Variants in NTN1 observed in about 807,000 individuals in gnomAD.
The protein encoded by NTN1 is netrin 1.
NTN1 carries 11 observed loss-of-function variants against 54.2 expected under a neutral mutation model. That is an observed-to-expected ratio of 0.20 (90% CI 0.13 to 0.34). The LOEUF is 0.34. NTN1 is among the 10% of genes least tolerant of loss of function. NTN1 has a pLI of 1.00. For synonymous variants in NTN1, 371 were observed against 382.0 expected (o/e 0.97, Z 0.33); for missense variants, 740 against 893.1 (o/e 0.83, Z 2.18).
the NTN1 span, among the ~76,000 whole-genome samples, chr17:9,015,066 CT>C: frequency 6.6e-6 from 1 of 152,200 alleles, no homozygotes; most frequent in Non-Finnish European, 1.5e-5. Flanking sequence ...TATCAAAGTG[CT>C]TAGTAGATGC....
chr17:9,193,099 AAAG>A (rs1416827711), intron 5 of NTN1, among the ~76,000 whole-genome samples: 2 of 102,390 alleles, frequency 2.0e-5, no homozygotes, highest in Admixed American at 9.2e-5. Context: ...AAAAAAAGAA[AAAG>A]AAAAAAAAGC....
intron 5 of NTN1, among the ~76,000 whole-genome samples, chr17:9,188,488 AAC>A (rs200310741): frequency 0.35 from 49,284 of 139,796 alleles, 9,838 homozygotes; most frequent in Middle Eastern, 0.45. Flanking sequence ...AAAAAATAAA[AAC>A]AAAAAAGTCA....
intron 2 of NTN1, among the ~76,000 whole-genome samples, chr17:9,028,566 A>C (rs944954336): frequency 6.6e-6 from 1 of 152,224 alleles, no homozygotes; most frequent in African/African-American, 2.4e-5. Flanking sequence ...TGAGATCCTC[A>C]GAAAACTATT....
chr17:9,225,733 G>A (rs770858266), intron 6 of NTN1, among the ~76,000 whole-genome samples: 27 of 148,686 alleles, frequency 1.8e-4, no homozygotes, highest in Admixed American at 1.3e-4. Flanking sequence ...AGGGCGGGCC[G>A]GGCAGGGGCT....
intron 6 of NTN1, among the ~76,000 whole-genome samples, chr17:9,237,087 CA>C (rs1180772330): frequency 6.6e-6 from 1 of 152,238 alleles, no homozygotes; most frequent in Admixed American, 6.5e-5. Context: ...CCAACATCCC[CA>C]AAATCTTCAA....
At chr17:9,228,512 G>A (rs1319146435) in intron 6 of NTN1, among the ~76,000 whole-genome samples, 1 of 152,182 alleles carries the variant, frequency 6.6e-6, no homozygotes, top group East Asian at 1.9e-4. Flanking sequence ...TGGCCTGGGT[G>A]CTGCCGCTGG....
At chr17:9,051,693 G>T (rs1567698837) in intron 2 of NTN1, among the ~76,000 whole-genome samples, 1 of 151,926 alleles carries the variant, frequency 6.6e-6, no homozygotes, top group Non-Finnish European at 1.5e-5. Flanking sequence ...TTTTGAGTGA[G>T]AACATTTAAG....
intron 2 of NTN1, among the ~76,000 whole-genome samples, chr17:9,100,628 T>A (rs1210215725): frequency 6.6e-6 from 1 of 152,214 alleles, no homozygotes; most frequent in African/African-American, 2.4e-5. Flanking sequence ...TCTTATCTGG[T>A]CAGTAAGAAC....
At chr17:9,137,067 C>G (rs115401653) in intron 2 of NTN1, among the ~76,000 whole-genome samples, 80 of 152,256 alleles carry the variant, frequency 5.3e-4, no homozygotes, top group African/African-American at 1.9e-3. Flanking sequence ...CATTTTCTCC[C>G]CTCCTCCACA....
rs1235679932 is a variant in NTN1 at position 9,112,482 on chromosome 17, T to C, written c.1019-50331T>C. Among the ~76,000 whole-genome samples, 6 of 152,280 alleles carry C rather than the reference T, an allele frequency of 3.9e-5. No individual in the cohort carries two copies. In the East Asian group the frequency reaches 7.7e-4, roughly 20 times the overall value. ...ATACTGTAAACAAGTGTCTTTTCGT[T>C]GTCTGCTCGGTGCCACGATTTTCAC... On this transcript the variant is annotated intron_variant, in intron 2 of 6. Coordinates refer to ENST00000173229, the MANE Select transcript of NTN1 (RefSeq NM_004822.3).
intron 2 of NTN1, among the ~76,000 whole-genome samples, chr17:9,121,486 C>G (rs2092231635): frequency 6.6e-6 from 1 of 152,180 alleles, no homozygotes; most frequent in South Asian, 2.1e-4. Context: ...CTCCTTTTCT[C>G]TCTGTGACCT....
At chr17:9,232,347 T>G (rs2142371886) in intron 6 of NTN1, among the ~76,000 whole-genome samples, 1 of 152,282 alleles carries the variant, frequency 6.6e-6, no homozygotes, top group Admixed American at 6.5e-5. Flanking sequence ...CCCCGATCTC[T>G]TCTCACTGCT....
chr17:9,088,164 G>T (rs539399544), intron 2 of NTN1, among the ~76,000 whole-genome samples: 1 of 152,358 alleles, frequency 6.6e-6, no homozygotes, highest in African/African-American at 2.4e-5. Flanking sequence ...GCAGGGGGCA[G>T]GAGGCGGGAG....
intron 6 of NTN1, among the ~76,000 whole-genome samples, chr17:9,222,790 C>T (rs547687022): frequency 1.3e-5 from 2 of 152,290 alleles, no homozygotes; most frequent in Admixed American, 1.3e-4. Context: ...TTAATAAGGA[C>T]AGTGGTCAGG....
chr17:9,011,824 G>A, the NTN1 span, among the ~76,000 whole-genome samples: 7 of 152,074 alleles, frequency 4.6e-5, no homozygotes, highest in Non-Finnish European at 7.4e-5. Flanking sequence ...TCTTGACCTC[G>A]TGATCCACCC....
At chr17:9,034,413 CTTTTTTTTTTTCTTTTTCT>C (rs1164168251) in intron 2 of NTN1, among the ~76,000 whole-genome samples, 2 of 128,194 alleles carry the variant, frequency 1.6e-5, no homozygotes, top group East Asian at 5.2e-4. Flanking sequence ...GCTTGTTATT[CTTTTTTTTTTTCTTTTTCT>C]TTTTTTTTAA....
At chr17:9,098,166 A>G (rs748495315) in intron 2 of NTN1, among the ~76,000 whole-genome samples, 8 of 152,224 alleles carry the variant, frequency 5.3e-5, no homozygotes, top group Non-Finnish European at 8.8e-5. Flanking sequence ...TTTGCTGGAT[A>G]AATGATCCCT....
At chr17:9,046,264 A>G (rs2091941138) in intron 2 of NTN1, among the ~76,000 whole-genome samples, 1 of 152,224 alleles carries the variant, frequency 6.6e-6, no homozygotes, top group African/African-American at 2.4e-5. Context: ...CAGAAGATAC[A>G]CAAATGGCCA....
At chr17:9,198,474 T>TG (rs1412661422) in intron 5 of NTN1, among the ~76,000 whole-genome samples, 18 of 152,206 alleles carry the variant, frequency 1.2e-4, no homozygotes, top group Non-Finnish European at 2.1e-4. Flanking sequence ...CAAGGGGCTC[T>TG]GGGCGGGGCT....
Sources: allele counts gnomAD v4.1 joint callset (sites outside exome capture counted in the v4.1 genomes callset), GRCh38; gene constraint gnomAD v4.1.1; transcripts MANE v1.5; gene names NCBI Gene and HGNC (gene_info 2026-07-23, HGNC 2026-07-21).